SLCO5A1: variants seen among roughly 807,000 people sequenced by gnomAD.
SLCO5A1 encodes solute carrier organic anion transporter family member 5A1.
SLCO5A1 carries 39 observed loss-of-function variants against 65.1 expected under a neutral mutation model. The ratio of observed to expected loss-of-function variants is 0.60; its 90% CI spans 0.46 to 0.78. SLCO5A1 has a LOEUF of 0.78. SLCO5A1 is among the 30% of genes least tolerant of loss of function. The pLI, the probability that SLCO5A1 is intolerant of heterozygous loss-of-function variation, is 0.00. For synonymous variants in SLCO5A1, 438 were observed against 415.7 expected (o/e 1.05, Z -0.65); for missense variants, 1,029 against 1,069.4 (o/e 0.96, Z 0.53).
intron 2 of SLCO5A1, among the ~76,000 whole-genome samples, chr8:69,793,710 A>G (rs1038881831): frequency 2.6e-5 from 4 of 151,926 alleles, no homozygotes; most frequent in Non-Finnish European, 5.9e-5. Flanking sequence ...CCCAGGAGAC[A>G]GAGGTTGCAG....
intron 4 of SLCO5A1, among the ~76,000 whole-genome samples, chr8:69,747,997 A>T (rs1817115249): frequency 6.6e-6 from 1 of 152,124 alleles, no homozygotes; most frequent in Admixed American, 6.6e-5. Flanking sequence ...ATGTGCCCTC[A>T]TTTCCTGCTC....
intron 2 of SLCO5A1, among the ~76,000 whole-genome samples, chr8:69,765,488 A>T (rs554768070): frequency 4.9e-4 from 74 of 152,214 alleles, no homozygotes; most frequent in African/African-American, 1.8e-3. Flanking sequence ...TCTGGGAAGA[A>T]ATATTTCTGG....
rs202070644 is a variant in SLCO5A1, at chr8:69,705,102, A to G, written c.1551T>C (p.Cys517=). 3.0e-4 allele frequency: 489 copies of G among 1,614,050 alleles called. 2 individuals carry two copies. Among genetic ancestry groups the G allele is most frequent in the Non-Finnish European group, 4.0e-4 (475 of 1,180,040 alleles). The change falls in exon 6 of 10, where the codon TGT becomes TGC. Residue 517 remains cysteine (C), a synonymous_variant. Coordinates refer to ENST00000260126, the MANE Select transcript of SLCO5A1 (RefSeq NM_030958.3). ...ATCCAACAATAAATAGGGTTGAAAA[A>G]CATAGTAAAGACACACCACTGCAGA... ...AMICSGVSLL[C]FSTLFIVGCE...
intron 2 of SLCO5A1, among the ~76,000 whole-genome samples, chr8:69,791,187 TC>T (rs1412747072): frequency 6.6e-6 from 1 of 152,088 alleles, no homozygotes. Context: ...CACATCCCCT[TC>T]CTCCCTCATT....
intron 3 of SLCO5A1, among the ~76,000 whole-genome samples, chr8:69,758,657 G>T (rs565491035): frequency 6.6e-6 from 1 of 152,202 alleles, no homozygotes; most frequent in Non-Finnish European, 1.5e-5. Flanking sequence ...TTAAAGTGTG[G>T]GGTCACTTCA....
chr8:69,777,003 A>C (rs1259003299), intron 2 of SLCO5A1, among the ~76,000 whole-genome samples: 1 of 152,230 alleles, frequency 6.6e-6, no homozygotes, highest in Non-Finnish European at 1.5e-5. Context: ...ACATTTCAGT[A>C]GTGTCTTAAG....
intron 5 of SLCO5A1, among the ~76,000 whole-genome samples, chr8:69,730,010 G>A (rs957404535): frequency 3.9e-5 from 6 of 152,174 alleles, no homozygotes; most frequent in Non-Finnish European, 8.8e-5. Context: ...AAAAAGAGGA[G>A]AAACTGATTT....
intron 2 of SLCO5A1, among the ~76,000 whole-genome samples, chr8:69,825,221 ACAGGGATGCCCTCTCTCAC>A (rs1364588508): frequency 6.6e-6 from 1 of 152,206 alleles, no homozygotes; most frequent in Non-Finnish European, 1.5e-5. Flanking sequence ...CTGGCACAAG[ACAGGGATGCCCTCTCTCAC>A]CACTCCTATT....
At chr8:69,799,416 A>T (rs763739130) in intron 2 of SLCO5A1, among the ~76,000 whole-genome samples, 1 of 152,192 alleles carries the variant, frequency 6.6e-6, no homozygotes, top group Admixed American at 6.5e-5. Flanking sequence ...ATGCTTTTAG[A>T]ATATGCAACT....
chr8:69,779,611 T>C (rs781243045), intron 2 of SLCO5A1, among the ~76,000 whole-genome samples: 38 of 152,132 alleles, frequency 2.5e-4, no homozygotes, highest in Non-Finnish European at 4.6e-4. Context: ...AACAACCTTA[T>C]GGAAAAAAGC....
chr8:69,695,148 T>C (rs1230314556), intron 6 of SLCO5A1, among the ~76,000 whole-genome samples: 1 of 152,234 alleles, frequency 6.6e-6, no homozygotes, highest in Non-Finnish European at 1.5e-5. Context: ...AACTTCCCTG[T>C]ATCATCCTCA....
chr8:69,729,273 T>C (rs1816227215), intron 5 of SLCO5A1, among the ~76,000 whole-genome samples: 1 of 151,626 alleles, frequency 6.6e-6, no homozygotes, highest in Non-Finnish European at 1.5e-5. Flanking sequence ...TGAAACCCCG[T>C]CTCTACTAAA....
chr8:69,782,960 C>G (rs1048355059), intron 2 of SLCO5A1, among the ~76,000 whole-genome samples: 6 of 149,580 alleles, frequency 4.0e-5, no homozygotes, highest in Admixed American at 2.0e-4. Flanking sequence ...GCTCTGTGAT[C>G]CTAGACAAGT....
intron 5 of SLCO5A1, among the ~76,000 whole-genome samples, chr8:69,717,160 G>A (rs1364646334): frequency 6.6e-6 from 1 of 151,908 alleles, no homozygotes; most frequent in Non-Finnish European, 1.5e-5. Flanking sequence ...TTTTTCTTTG[G>A]TTATGTTGTC....
intron 6 of SLCO5A1, among the ~76,000 whole-genome samples, chr8:69,689,819 C>T (rs1159107884): frequency 6.6e-5 from 10 of 151,936 alleles, no homozygotes; most frequent in African/African-American, 1.2e-4. Context: ...CTTGGTGATG[C>T]GGGCTCTTTT....
At chr8:69,815,690 A>ACACACAC (rs1563371420) in intron 2 of SLCO5A1, among the ~76,000 whole-genome samples, 1 of 150,778 alleles carries the variant, frequency 6.6e-6, no homozygotes, top group African/African-American at 2.4e-5. Flanking sequence ...ACACACACAC[A>ACACACAC]AAATTACATC....
chr8:69,731,315 T>C (rs1037091898), intron 5 of SLCO5A1, among the ~76,000 whole-genome samples: 1 of 152,242 alleles, frequency 6.6e-6, no homozygotes, highest in South Asian at 2.1e-4. Context: ...TTGCAGTTTT[T>C]GTCATTACTT....
chr8:69,806,836 C>G (rs916376093), intron 2 of SLCO5A1, among the ~76,000 whole-genome samples: 1 of 152,202 alleles, frequency 6.6e-6, no homozygotes, highest in African/African-American at 2.4e-5. Flanking sequence ...TGAACACATT[C>G]TATGCATTTA....
At chr8:69,765,117 T>G (rs1451520240) in intron 2 of SLCO5A1, among the ~76,000 whole-genome samples, 1 of 152,192 alleles carries the variant, frequency 6.6e-6, no homozygotes, top group Non-Finnish European at 1.5e-5. Context: ...CTCCCATATA[T>G]ATCTGTGTGC....
Sources: allele counts gnomAD v4.1 joint callset (sites outside exome capture counted in the v4.1 genomes callset), GRCh38; gene constraint gnomAD v4.1.1; transcripts MANE v1.5; gene names NCBI Gene and HGNC (gene_info 2026-07-23, HGNC 2026-07-21).